NDUFA10: variants seen among roughly 807,000 people sequenced by gnomAD.
NDUFA10 encodes NADH:ubiquinone oxidoreductase subunit A10.
A neutral mutation model predicts 47.8 loss-of-function variants in NDUFA10; 40 were observed. The observed-to-expected ratio is 0.84, with a 90% CI of 0.65 to 1.09. The LOEUF is 1.09. NDUFA10 is among the 50% of genes least tolerant of loss of function. The pLI, the probability that NDUFA10 is intolerant of heterozygous loss-of-function variation, is 0.00. For synonymous variants in NDUFA10, 183 were observed against 172.2 expected (o/e 1.06, Z -0.49); for missense variants, 413 against 451.1 (o/e 0.92, Z 0.76).
rs1240340751 is a variant in NDUFA10 at position 239,990,117 on chromosome 2, A to G, written c.956T>C (p.Ile319Thr). The G allele has an allele frequency of 6.2e-7, 1 of 1,613,946 alleles. No homozygotes were observed. Among genetic ancestry groups the G allele is most frequent in the Non-Finnish European group, 8.5e-7 (1 of 1,179,844 alleles). ...GACACGGTCAGTCTGATGAGCTCCA[A>G]TGGTGACTTCCGGGAGAAAGATAGG... ...SIPIFLPEVT[I>T]GAHQTDRVLH... is the part of the protein sequence containing the mutation. The change falls in exon 9 of 10, where the codon ATT becomes ACT. Residue 319 changes from isoleucine (I) to threonine (T), a missense_variant. Physicochemically the swap from Ile to Thr is moderately conservative, Grantham distance 89. Transcript: ENST00000252711.
At chr2:240,015,505 T>C (rs1394194938) in intron 4 of NDUFA10, among the ~76,000 whole-genome samples, 1 of 152,244 alleles carries the variant, frequency 6.6e-6, no homozygotes, top group African/African-American at 2.4e-5. Context: ...CCCGTTTCAG[T>C]AGTATAATCA....
rs530410889 is a variant in NDUFA10 at position 239,987,350 on chromosome 2, G to A, written c.999+2724C>T. 2.6e-5 allele frequency among the ~76,000 whole-genome samples: 4 copies of A among 151,790 alleles called. No individual in the cohort carries two copies. Among genetic ancestry groups the A allele is most frequent in the African/African-American group, 4.8e-5 (2 of 41,390 alleles). On this transcript the variant is annotated intron_variant, in intron 9 of 9. Transcript: ENST00000252711. The surrounding 1 kb of genome is among the most constrained non-coding windows in gnomAD (Gnocchi z 4.8). ...TCGACAGGAGGACTCGCTCGAATGC[G>A]TGTCTGGGCCCCATCCCCTGCGTGT...
Position 240,006,264 on chromosome 2 carries a change from C to T in NDUFA10, c.805-969G>A, listed in dbSNP as rs149163988. On this transcript the variant is annotated intron_variant, in intron 7 of 9. Coordinates refer to ENST00000252711, the MANE Select transcript of NDUFA10 (RefSeq NM_004544.4). ...ATACTCTAAAAACAGAAACAGAAGGCGGAGGAGAAAATGAAATGTAATTTA... is the reference window on the plus strand; with the variant it reads ...ATACTCTAAAAACAGAAACAGAAGGTGGAGGAGAAAATGAAATGTAATTTA... 3.4e-3 allele frequency among the ~76,000 whole-genome samples: 516 copies of T among 152,178 alleles called. 9 individuals carry two copies. Among genetic ancestry groups the T allele is most frequent in the African/African-American group, 0.012 (482 of 41,506 alleles).
At chr2:239,919,320 T>C (rs1349918181) in intron 4 of NDUFA10, among the ~76,000 whole-genome samples, 4 of 151,428 alleles carry the variant, frequency 2.6e-5, no homozygotes, top group Non-Finnish European at 5.9e-5. Context: ...CTCCCACCCC[T>C]GCTTGAAATC....
At chr2:239,979,817 G>A (rs1418882058) in intron 9 of NDUFA10, among the ~76,000 whole-genome samples, 4 of 152,242 alleles carry the variant, frequency 2.6e-5, no homozygotes, top group Admixed American at 2.0e-4. Flanking sequence ...TGAGGTCCCC[G>A]TGGCAGCTGC....
chr2:239,974,166 T>A (rs536906413), intron 9 of NDUFA10, among the ~76,000 whole-genome samples: 1 of 152,184 alleles, frequency 6.6e-6, no homozygotes, highest in African/African-American at 2.4e-5. Context: ...TGACCTCAAG[T>A]CATCCGCCCG....
intron 9 of NDUFA10, among the ~76,000 whole-genome samples, chr2:239,972,103 C>T (rs1407941140): frequency 6.6e-6 from 1 of 151,792 alleles, no homozygotes; most frequent in Non-Finnish European, 1.5e-5. Flanking sequence ...TTCAAGGATG[C>T]TCAGTTTCCC....
chr2:239,963,732 C>T (rs929201360), intron 9 of NDUFA10, among the ~76,000 whole-genome samples: 2 of 152,210 alleles, frequency 1.3e-5, no homozygotes, highest in Non-Finnish European at 2.9e-5. Context: ...TGTGCAGCCA[C>T]CTCCCAGTAA....
chr2:239,930,892 TG>T, intron 4 of NDUFA10, among the ~76,000 whole-genome samples: 1 of 25,714 alleles, frequency 3.9e-5, no homozygotes, highest in African/African-American at 2.1e-4. Flanking sequence ...AGGAGGGGTG[TG>T]GCAGGGAGGG....
At position 239,928,727 on chromosome 2, in the gene NDUFA10, C is replaced by G. The variant is rs1175466876; in HGVS notation, c.295-33413G>C. Among the ~76,000 whole-genome samples, 1 of 152,184 alleles carries G rather than the reference C, an allele frequency of 6.6e-6. No individual in the cohort carries two copies. The highest frequency in any genetic ancestry group is 2.4e-5 in the African/African-American group (1 of 41,444). ...CCACCGGACATCCCGCTCCAGGTCC[C>G]TCTGTGCAAGGATGTCAGACCCTTC... On this transcript the variant is annotated intron_variant, in intron 4 of 5. Transcript: ENST00000419408. The surrounding 1 kb of genome is among the most constrained non-coding windows in gnomAD (Gnocchi z 4.3).
At chr2:239,964,781 A>G (rs1407281011) in intron 9 of NDUFA10, among the ~76,000 whole-genome samples, 2 of 152,346 alleles carry the variant, frequency 1.3e-5, no homozygotes, top group African/African-American at 2.4e-5. Context: ...AGTTGGTTCC[A>G]CATCTGAGAG....
intron 4 of NDUFA10, among the ~76,000 whole-genome samples, chr2:239,929,415 G>C (rs1694121119): frequency 6.6e-6 from 1 of 152,128 alleles, no homozygotes; most frequent in Non-Finnish European, 1.5e-5. Context: ...CCATAAAAAG[G>C]AAAAAATGAG....
intron 8 of NDUFA10, among the ~76,000 whole-genome samples, chr2:239,990,564 T>C (rs1696203113): frequency 6.6e-6 from 1 of 152,224 alleles, no homozygotes; most frequent in South Asian, 2.1e-4. Flanking sequence ...ACACAAAGCA[T>C]GCCCCCATTA....
chr2:239,990,567 C>T (rs1312684077), intron 8 of NDUFA10, among the ~76,000 whole-genome samples: 1 of 152,132 alleles, frequency 6.6e-6, no homozygotes, highest in Non-Finnish European at 1.5e-5. Context: ...CAAAGCATGC[C>T]CCCATTAACA....
At chr2:239,942,578 C>A in intron 4 of NDUFA10, among the ~76,000 whole-genome samples, 1 of 152,166 alleles carries the variant, frequency 6.6e-6, no homozygotes, top group East Asian at 1.9e-4. Flanking sequence ...TTATTGAATT[C>A]ATGTTCTTAT....
At chr2:240,013,310 C>G (rs1697212513) in intron 5 of NDUFA10, 1 of 152,148 alleles carries the variant, frequency 6.6e-6, no homozygotes, top group Non-Finnish European at 1.5e-5. Flanking sequence ...TACCTGATGA[C>G]AGTATTGAAG....
In NDUFA10 at chr2:239,959,323, G is replaced by A. The variant is rs1450160425; in HGVS notation, c.*1795C>T. On this transcript the variant is annotated 3_prime_UTR_variant, in exon 10 of 10. Coordinates refer to ENST00000252711, the MANE Select transcript of NDUFA10 (RefSeq NM_004544.4). ...AGGGCAGACCTGCCCTCTCACTGCT[G>A]AGGACACTACCCGTGCAACCACCAA... 7 of 985,368 alleles carry A rather than the reference G, an allele frequency of 7.1e-6. No homozygotes were observed. The highest frequency in any genetic ancestry group is 8.4e-6 in the Non-Finnish European group (7 of 829,970). 61.0% of individuals were successfully genotyped at this position (985,368 alleles called of 1,614,324 possible).
intron 4 of NDUFA10, among the ~76,000 whole-genome samples, chr2:239,939,547 G>C (rs1694325558): frequency 1.3e-5 from 2 of 152,194 alleles, no homozygotes; most frequent in African/African-American, 4.8e-5. Flanking sequence ...AATCATTTTG[G>C]GGGGATAAAG....
At chr2:239,909,697 C>T (rs569988161) in intron 4 of NDUFA10, among the ~76,000 whole-genome samples, 20 of 149,812 alleles carry the variant, frequency 1.3e-4, no homozygotes, top group Admixed American at 3.3e-4. Context: ...GCAAAGATTT[C>T]ATGATAAAAA....
Sources: gnomAD v4.1 joint callset for allele counts (sites outside exome capture counted in the v4.1 genomes callset) on GRCh38, gnomAD v4.1.1 for gene constraint, Gnocchi (gnomAD v3.1) non-coding constraint, MANE v1.5 for transcripts, NCBI Gene and HGNC (gene_info 2026-07-23, HGNC 2026-07-21) for gene names.